The following GABRR1 variants were observed in gnomAD, a reference collection of about 807,000 sequenced individuals.
GABRR1 encodes gamma-aminobutyric acid type A receptor subunit rho1, also known as gamma-aminobutyric acid receptor subunit rho-1.
GABRR1 carries 59 observed loss-of-function variants against 55.5 expected under a neutral mutation model. The ratio of observed to expected loss-of-function variants is 1.06; its 90% CI spans 0.86 to 1.32. The LOEUF is 1.32. Among genes scored for constraint, GABRR1 ranks in the 40% most tolerant of loss-of-function variants. The pLI is 0.00. For synonymous variants in GABRR1, 213 were observed against 226.0 expected (o/e 0.94, Z 0.51); for missense variants, 602 against 619.1 (o/e 0.97, Z 0.29).
chr6:89,196,825 A>AGGAAAGAAAG (rs57288590), intron 5 of GABRR1, among the ~76,000 whole-genome samples: 2 of 81,164 alleles, frequency 2.5e-5, no homozygotes, highest in Non-Finnish European at 5.2e-5. Flanking sequence ...AAAAGAAGGA[A>AGGAAAGAAAG]AGAAAGAAAG....
At chr6:89,182,689 C>T (rs938969868) in intron 7 of GABRR1, among the ~76,000 whole-genome samples, 2 of 152,028 alleles carry the variant, frequency 1.3e-5, no homozygotes, top group African/African-American at 4.8e-5. Context: ...TGGGCCCCAC[C>T]CCAAACCTAC....
intron 7 of GABRR1, among the ~76,000 whole-genome samples, chr6:89,183,148 A>G (rs78691231): frequency 2.2e-4 from 4 of 18,198 alleles, no homozygotes; most frequent in Middle Eastern, 0.045. Flanking sequence ...GGATGATGGA[A>G]AAAAAAAAAG....
At chr6:89,229,832 C>T (rs1337789907) in intron 1 of GABRR1, among the ~76,000 whole-genome samples, 1 of 126,156 alleles carries the variant, frequency 7.9e-6, no homozygotes, top group Non-Finnish European at 1.7e-5. Flanking sequence ...TGGGGAAGTT[C>T]TCCTGGATAA....
At position 89,180,417 on chromosome 6, in the gene GABRR1, T is replaced by C. The variant is rs777978678; in HGVS notation, c.1021A>G (p.Ile341Val). 5 of 1,613,712 alleles carry C rather than the reference T, an allele frequency of 3.1e-6. No individual in the cohort carries two copies. The highest frequency in any genetic ancestry group is 2.2e-5 in the East Asian group (1 of 44,862). ...CAGAGGTAGATGTCCACGGCCTTGA[T>C]GTAGGAGACGCGCGGCATGGAGGCA... ...VNASMPRVSY[I>V]KAVDIYLWVS... is the part of the protein sequence containing the mutation. The change falls in exon 9 of 10, where the codon ATC becomes GTC. Residue 341 changes from isoleucine to valine, a missense_variant. Physicochemically the swap from Ile to Val is conservative, Grantham distance 29 (BLOSUM62 3). Coordinates refer to ENST00000454853, the MANE Select transcript of GABRR1 (RefSeq NM_002042.5).
rs881293 is a variant in GABRR1, at chr6:89,208,084, C to A, written c.123-4599G>T. On this transcript the variant is annotated intron_variant, in intron 1 of 9. Coordinates refer to ENST00000454853, the MANE Select transcript of GABRR1 (RefSeq NM_002042.5). ...TGAGAGGCGCTTCGCTGCTCTAGTC[C>A]TGTTGGCTGAAGGCGATGCTACAAG... is the stretch of plus-strand genomic sequence containing the variant. Among the ~76,000 whole-genome samples the A allele has an allele frequency of 2.0e-5, 3 of 152,222 alleles. No individual in the cohort carries two copies. The South Asian group carries it at 6.2e-4, about 32-fold the overall frequency.
intron 5 of GABRR1, among the ~76,000 whole-genome samples, chr6:89,196,908 A>G (rs420198): frequency 0.59 from 87,287 of 148,340 alleles, 26,480 homozygotes; most frequent in East Asian, 0.93. Context: ...AAAGAAAATA[A>G]AAAATCTGCC....
chr6:89,222,873 C>T (rs1773133673), intron 1 of GABRR1, among the ~76,000 whole-genome samples: 2 of 152,136 alleles, frequency 1.3e-5, no homozygotes, highest in African/African-American at 4.8e-5. Context: ...ACACCCAGCC[C>T]AGCGTTCCAC....
At chr6:89,220,589 GC>G (rs1321962113), upstream of GABRR1, among the ~76,000 whole-genome samples, 6 of 152,156 alleles carry the variant, frequency 3.9e-5, no homozygotes, top group Admixed American at 3.9e-4. Flanking sequence ...GAGTATCTGT[GC>G]CCTCTTTATA....
intron 6 of GABRR1, among the ~76,000 whole-genome samples, chr6:89,186,626 T>C (rs918605211): frequency 1.6e-4 from 24 of 152,238 alleles, no homozygotes; most frequent in African/African-American, 5.5e-4. Context: ...AAGGCTACAT[T>C]CCAGATGGAG....
intron 5 of GABRR1, among the ~76,000 whole-genome samples, chr6:89,196,651 C>T (rs181915940): frequency 2.6e-5 from 4 of 151,886 alleles, no homozygotes; most frequent in African/African-American, 7.3e-5. Context: ...GTGACACATG[C>T]CTTTGGTCCC....
In GABRR1 at chr6:89,182,062, G is replaced by A. The variant is rs1479020379; in HGVS notation, c.797-5C>T. 6.2e-7 allele frequency: 1 copy of A among 1,613,718 alleles called. No homozygotes were observed. Among genetic ancestry groups the A allele is most frequent in the South Asian group, 1.1e-5 (1 of 91,026 alleles). ...TGTAGAGACGGTTGTACCAGCCTGG[G>A]GGACACAGGAATAAAAGACAGTACA... On this transcript the variant is annotated splice_polypyrimidine_tract_variant and splice_region_variant and intron_variant, in intron 7 of 9. Transcript: ENST00000454853.
At chr6:89,193,386 A>G (rs1042789722) in intron 5 of GABRR1, among the ~76,000 whole-genome samples, 4 of 149,830 alleles carry the variant, frequency 2.7e-5, no homozygotes, top group Non-Finnish European at 5.9e-5. Flanking sequence ...AGAAACTTAG[A>G]TCTCTCTTTT....
At chr6:89,206,785 T>A (rs201233884) in intron 1 of GABRR1, among the ~76,000 whole-genome samples, 16 of 149,588 alleles carry the variant, frequency 1.1e-4, no homozygotes, top group Admixed American at 2.0e-4. Flanking sequence ...CCAGCTAATT[T>A]AAAAAAAAAA....
intron 5 of GABRR1, among the ~76,000 whole-genome samples, chr6:89,193,499 T>C (rs1772165750): frequency 6.6e-6 from 1 of 152,094 alleles, no homozygotes; most frequent in Non-Finnish European, 1.5e-5. Flanking sequence ...TCCTGGTGGT[T>C]GAGGCTCACT....
At chr6:89,224,584 T>C (rs1419269658) in intron 1 of GABRR1, among the ~76,000 whole-genome samples, 1 of 152,212 alleles carries the variant, frequency 6.6e-6, no homozygotes, top group Non-Finnish European at 1.5e-5. Flanking sequence ...CTTTGCCTGA[T>C]GTATAGATTG....
upstream of GABRR1, among the ~76,000 whole-genome samples, chr6:89,218,620 C>T (rs1474379306): frequency 6.6e-6 from 1 of 152,202 alleles, no homozygotes; most frequent in Non-Finnish European, 1.5e-5. Context: ...AATCTGTCCT[C>T]CCTTTTGCCA....
rs1255790688 is a variant in GABRR1 at position 89,201,175 on chromosome 6, C to G, written c.264G>C (p.Met88Ile). The change falls in exon 3 of 10, where the codon ATG becomes ATC. Residue 88 changes from methionine (M) to isoleucine (I), a missense_variant. Met to Ile is a conservative substitution (Grantham distance 10). This residue lies in a region of GABRR1 where 435 missense variants were observed against 424.2 expected (regional missense o/e 1.03). Transcript: ENST00000454853. ...ATCCCATACCTCCAAAGCCAGGCCT[C>G]ATGCTGAAATCATGGTCATCTATCC... is the stretch of plus-strand genomic sequence containing the variant. ...LLRIDDHDFS[M>I]RPGFGGPAIP... 1 of 1,613,872 alleles carries G rather than the reference C, an allele frequency of 6.2e-7. No homozygotes were observed. The highest frequency in any genetic ancestry group is 1.7e-5 in the Admixed American group (1 of 60,026).
At position 89,182,098 on chromosome 6, in the gene GABRR1, C is replaced by G. The variant is rs770869266; in HGVS notation, c.797-41G>C. 3 of 1,602,464 alleles carry G rather than the reference C, an allele frequency of 1.9e-6. No individual in the cohort carries two copies. The South Asian group carries it at 3.4e-5, about 18-fold the overall frequency. On this transcript the variant is annotated intron_variant, in intron 7 of 9. Coordinates refer to ENST00000454853, the MANE Select transcript of GABRR1 (RefSeq NM_002042.5). ...ATAAAAGACAGTACACATCATGGCT[C>G]CTTCATAAAACACATTTTATTCAGG...
intron 1 of GABRR1, among the ~76,000 whole-genome samples, chr6:89,230,646 A>G (rs1257540664): frequency 2.6e-5 from 4 of 151,542 alleles, no homozygotes; most frequent in African/African-American, 9.7e-5. Flanking sequence ...GCGTGCTGGG[A>G]GAACCACTGC....
Sources: allele counts gnomAD v4.1 joint callset (sites outside exome capture counted in the v4.1 genomes callset), GRCh38; gene constraint gnomAD v4.1.1; regional missense constraint gnomAD v4.1.1; transcripts MANE v1.5; gene names NCBI Gene and HGNC (gene_info 2026-07-23, HGNC 2026-07-21).